The following DCAF12 variants were observed in gnomAD, a reference collection of about 807,000 sequenced individuals.
DCAF12 encodes the protein DDB1- and CUL4-associated factor 12.
A neutral mutation model predicts 52.8 loss-of-function variants in DCAF12; 28 were observed. That is an observed-to-expected ratio of 0.53 (90% CI 0.39 to 0.73). DCAF12 has a LOEUF of 0.73. DCAF12 is among the 30% of genes least tolerant of loss of function. The pLI, the probability that DCAF12 is intolerant of heterozygous loss-of-function variation, is 0.00. For synonymous variants in DCAF12, 196 were observed against 215.5 expected (o/e 0.91, Z 0.79); for missense variants, 425 against 552.2 (o/e 0.77, Z 2.31).
chr9:34,098,598 T>C (rs1828776974), intron 4 of DCAF12, 81 bp from the exon 5 acceptor site: 3 of 1,447,058 alleles, frequency 2.1e-6, no homozygotes, highest in East Asian at 2.3e-5. Context: ...AGGGCTTTCA[T>C]AGTCTAGCTG....
rs533886350 is a variant in DCAF12, at chr9:34,121,435, G to A, written c.333+3588C>T. On this transcript the variant is annotated intron_variant, in intron 2 of 8. Coordinates refer to ENST00000361264, the MANE Select transcript of DCAF12 (RefSeq NM_015397.4). Reference sequence around the variant, plus strand: ...CAGCACTCTTACCGAGAGGTCCCTCGCTCTCTTATGGTGAAGGTTCTCCTA... The same window carrying A: ...CAGCACTCTTACCGAGAGGTCCCTCACTCTCTTATGGTGAAGGTTCTCCTA... Among the ~76,000 whole-genome samples, 22 of 152,126 alleles carry A rather than the reference G, an allele frequency of 1.4e-4. 1 individual carries two copies. Among genetic ancestry groups the A allele is most frequent in the African/African-American group, 4.8e-4 (20 of 41,488 alleles).
intron 2 of DCAF12, among the ~76,000 whole-genome samples, chr9:34,110,352 T>C (rs767996907): frequency 6.6e-6 from 1 of 152,228 alleles, no homozygotes; most frequent in Non-Finnish European, 1.5e-5. Flanking sequence ...TCCATCATCC[T>C]AGTCCTGCCT....
In DCAF12 at chr9:34,087,910, ATCTC is replaced by A. The variant is rs989130621; in HGVS notation, c.*436_*439del. On this transcript the variant is annotated 3_prime_UTR_variant, in exon 9 of 9. Coordinates refer to ENST00000361264, the MANE Select transcript of DCAF12 (RefSeq NM_015397.4). ...GATCACACACACACACGCAGACAAG[ATCTC>A]TCTCTCACACACACACAGACACACA... The A allele has an allele frequency of 1.3e-5, 2 of 153,472 alleles. No individual in the cohort carries two copies. The highest frequency in any genetic ancestry group is 2.9e-5 in the Non-Finnish European group (2 of 69,128). 9.5% of individuals were successfully genotyped at this position (153,472 alleles called of 1,614,324 possible). A position where few individuals can be genotyped will look rare whatever the true frequency, so the allele number is the denominator to read the frequency against.
intron 8 of DCAF12, among the ~76,000 whole-genome samples, chr9:34,088,870 G>C (rs1194615029): frequency 6.6e-6 from 1 of 152,022 alleles, no homozygotes; most frequent in Non-Finnish European, 1.5e-5. Flanking sequence ...AGAATTTTAG[G>C]AGGCCAAGGT....
In DCAF12 at chr9:34,104,325, T is replaced by C. The variant is rs1000967827; in HGVS notation, c.601+2109A>G. Among the ~76,000 whole-genome samples, 63 of 151,904 alleles carry C rather than the reference T, an allele frequency of 4.1e-4. 1 individual carries two copies. Among genetic ancestry groups the C allele is most frequent in the African/African-American group, 1.4e-3 (59 of 41,358 alleles). Reference sequence around the variant, plus strand: ...TCAATTCAAAGTAGAATGTTAATTATGTGAAATTAGAAAAGGCCACAGAGA... The same window carrying C: ...TCAATTCAAAGTAGAATGTTAATTACGTGAAATTAGAAAAGGCCACAGAGA... On this transcript the variant is annotated intron_variant, in intron 4 of 8. Coordinates refer to ENST00000361264, the MANE Select transcript of DCAF12 (RefSeq NM_015397.4).
intron 3 of DCAF12, among the ~76,000 whole-genome samples, 174 bp from the exon 4 acceptor site, chr9:34,106,668 T>C (rs1828909664): frequency 6.6e-6 from 1 of 152,220 alleles, no homozygotes; most frequent in South Asian, 2.1e-4. Flanking sequence ...CTTTACCTTC[T>C]ATCTTGAGGA....
intron 2 of DCAF12, among the ~76,000 whole-genome samples, chr9:34,121,590 C>G (rs1254663215): frequency 1.4e-5 from 2 of 146,362 alleles, no homozygotes; most frequent in Non-Finnish European, 3.0e-5. Context: ...CTGTGTAGAT[C>G]ATCACTCTGC....
chr9:34,107,909 A>G (rs1828929781), intron 2 of DCAF12, among the ~76,000 whole-genome samples: 1 of 152,218 alleles, frequency 6.6e-6, no homozygotes, highest in African/African-American at 2.4e-5. Flanking sequence ...GTCATATTTT[A>G]TACACTGAAT....
At chr9:34,108,434 T>C (rs980034229) in intron 2 of DCAF12, among the ~76,000 whole-genome samples, 3 of 152,156 alleles carry the variant, frequency 2.0e-5, no homozygotes, top group Non-Finnish European at 4.4e-5. Context: ...AACCTTTACA[T>C]AAATAAACCT....
chr9:34,121,097 T>C (rs1407289579), intron 2 of DCAF12, among the ~76,000 whole-genome samples: 1 of 152,122 alleles, frequency 6.6e-6, no homozygotes, highest in Admixed American at 6.6e-5. Flanking sequence ...GAGGTTGCAG[T>C]GAGCCAAGAT....
chr9:34,125,515 A>C (rs1452543879), intron 1 of DCAF12: 5 of 607,728 alleles, frequency 8.2e-6, no homozygotes, highest in Non-Finnish European at 1.5e-5. Context: ...AGTCAAGGGA[A>C]TGAATGCAGA....
chr9:34,090,152 CTTCCGGG>C (rs1828621604), intron 7 of DCAF12, among the ~76,000 whole-genome samples: 1 of 152,172 alleles, frequency 6.6e-6, no homozygotes, highest in South Asian at 2.1e-4. Context: ...CAACCTCTGC[CTTCCGGG>C]TTCAAGCGAT....
At chr9:34,110,174 T>TC (rs1828977091) in intron 2 of DCAF12, among the ~76,000 whole-genome samples, 1 of 152,012 alleles carries the variant, frequency 6.6e-6, no homozygotes, top group South Asian at 2.1e-4. Context: ...AGCAGCAGAC[T>TC]CCCTGCCTAA....
At chr9:34,097,721 T>G (rs1828757507) in intron 5 of DCAF12, among the ~76,000 whole-genome samples, 2 of 151,778 alleles carry the variant, frequency 1.3e-5, no homozygotes, top group Non-Finnish European at 2.9e-5. Flanking sequence ...TCAACTGAGG[T>G]CAGGAGTTCA....
rs534178086 is a variant in DCAF12, at chr9:34,088,338, G to C, written c.*12C>G. 2 of 1,540,166 alleles carry C rather than the reference G, an allele frequency of 1.3e-6. No individual in the cohort carries two copies. The highest frequency in any genetic ancestry group is 2.5e-5 in the South Asian group (2 of 79,172). ...GAAGTTAGTGTAAATCTCTGCATTT[G>C]GGGAGTTGTCATTAACTCCAGAGCC... On this transcript the variant is annotated 3_prime_UTR_variant, in exon 9 of 9. Coordinates refer to ENST00000361264, the MANE Select transcript of DCAF12 (RefSeq NM_015397.4).
chr9:34,093,007 G>A (rs547095129), intron 7 of DCAF12, among the ~76,000 whole-genome samples: 7 of 152,274 alleles, frequency 4.6e-5, no homozygotes, highest in Admixed American at 3.3e-4. Context: ...CACTGCGCCC[G>A]GCTAATTTTG....
intron 6 of DCAF12, chr9:34,093,913 C>G (rs1034961555): frequency 5.9e-6 from 1 of 170,504 alleles, no homozygotes; most frequent in African/African-American, 2.4e-5. Flanking sequence ...ATAGAAAGCA[C>G]GCCCATGGGA....
At chr9:34,111,571 T>C (rs1432198795) in intron 2 of DCAF12, among the ~76,000 whole-genome samples, 2 of 152,212 alleles carry the variant, frequency 1.3e-5, no homozygotes, top group Non-Finnish European at 2.9e-5. Context: ...TTTACAACAG[T>C]CACCTTTCAG....
At position 34,087,378 on chromosome 9, in the gene DCAF12, G is replaced by C. The variant is rs1053494807; in HGVS notation, c.*972C>G. On this transcript the variant is annotated 3_prime_UTR_variant, in exon 9 of 9. Transcript: ENST00000361264. The stretch of plus-strand genomic sequence containing the variant: ...TCAAAGCCATGGGGGCTATGGATGT[G>C]AATCTTAGCAGACTTGAGACTCCCA... 6.6e-6 allele frequency: 1 copy of C among 152,250 alleles called. No individual in the cohort carries two copies. Among genetic ancestry groups the C allele is most frequent in the Non-Finnish European group, 1.5e-5 (1 of 68,066 alleles). The allele number at this position is 152,250 out of a possible 1,614,324, so 9.4% of individuals were successfully genotyped here.
Sources: allele counts gnomAD v4.1 joint callset (sites outside exome capture counted in the v4.1 genomes callset), GRCh38; gene constraint gnomAD v4.1.1; transcripts MANE v1.5; gene names NCBI Gene and HGNC (gene_info 2026-07-23, HGNC 2026-07-21).